The following SRP72 variants were observed in gnomAD, a reference collection of about 807,000 sequenced individuals.
The protein encoded by SRP72 is signal recognition particle 72.
SRP72 carries 49 observed loss-of-function variants against 96.3 expected under a neutral mutation model. That is an observed-to-expected ratio of 0.51 (90% confidence interval 0.40 to 0.65). SRP72 has a LOEUF of 0.65. SRP72 is among the 30% of genes least tolerant of loss of function. SRP72 has a pLI of 0.00. For missense variants in SRP72, 736 were observed against 793.3 expected (o/e 0.93, Z 0.87); for synonymous variants, 267 against 275.2 (o/e 0.97, Z 0.30).
chr4:56,474,642 C>G (rs1720134737), intron 5 of SRP72: 1 of 529,898 alleles, frequency 1.9e-6, no homozygotes, highest in South Asian at 2.7e-5. Context: ...CTCCCGAGTT[C>G]AAGCAATTCT....
chr4:56,484,590 A>G (rs1720632862), intron 9 of SRP72, 146 bp from the exon 10 acceptor site: 1 of 1,004,978 alleles, frequency 1.0e-6, no homozygotes, highest in African/African-American at 1.6e-5. Context: ...GAGAATAGAT[A>G]CTGTAAACTG....
At chr4:56,497,342 C>G (rs532910821) in intron 17 of SRP72, among the ~76,000 whole-genome samples, 1 of 151,840 alleles carries the variant, frequency 6.6e-6, no homozygotes, top group Non-Finnish European at 1.5e-5. Context: ...GCCTCAGCCT[C>G]CCAAGTAGCT....
At chr4:56,472,505 G>A (rs2110112420) in intron 3 of SRP72, among the ~76,000 whole-genome samples, 1 of 151,838 alleles carries the variant, frequency 6.6e-6, no homozygotes, top group East Asian at 1.9e-4. Context: ...GCCAACTCGT[G>A]CAGCTAATTT....
chr4:56,498,896 C>G (rs188170187), intron 17 of SRP72, among the ~76,000 whole-genome samples: 221 of 152,252 alleles, frequency 1.5e-3, no homozygotes, highest in African/African-American at 4.0e-3. Context: ...TGACTTTCTT[C>G]ACAGAATTAG....
Position 56,501,546 on chromosome 4 carries a change from G to A in SRP72, c.1839-138G>A, listed in dbSNP as rs944170313. 7.2e-6 allele frequency: 5 copies of A among 699,232 alleles called. No homozygotes were observed. In the African/African-American group the frequency reaches 9.1e-5, roughly 13 times the overall value. 43.3% of individuals were successfully genotyped at this position (699,232 alleles called of 1,614,324 possible). A position where few individuals can be genotyped will look rare whatever the true frequency, so the allele number is the denominator to read the frequency against. ...TATTCAAAAGAAAAGTCGATAGGGA[G>A]TTGGGGAGCTTACCTTAAAAGAAGT... On this transcript the variant is annotated intron_variant, in intron 18 of 18. Transcript: ENST00000642900.
intron 5 of SRP72, chr4:56,476,315 A>G (rs1315975866): frequency 4.5e-6 from 1 of 221,384 alleles, no homozygotes; most frequent in Non-Finnish European, 8.7e-6. Flanking sequence ...TAAAAAACTA[A>G]ATAACTGAAA....
rs142904964 is a variant in SRP72, at chr4:56,483,192, A to T, written c.879A>T (p.Gly293=). Residue 293 remains glycine (G), a synonymous_variant, in exon 9 of 19, where the codon GGA becomes GGT. Transcript: ENST00000642900. ...AAGTGAAATTAACCAATGCGGAAGG[A>T]GTAGAGTTTAAGCTTTCCAAGAAAC... ...KKKVKLTNAE[G]VEFKLSKKQL... 1 of 1,612,080 alleles carries T rather than the reference A, an allele frequency of 6.2e-7. No individual in the cohort carries two copies. The highest frequency in any genetic ancestry group is 8.5e-7 in the Non-Finnish European group (1 of 1,179,766).
At chr4:56,473,277 A>G (rs4865105) in intron 3 of SRP72, among the ~76,000 whole-genome samples, 50,140 of 151,530 alleles carry the variant, frequency 0.33, 8,610 homozygotes, top group East Asian at 0.46. Context: ...GGCTAACATG[A>G]TGAAACCCCA....
intron 16 of SRP72, among the ~76,000 whole-genome samples, chr4:56,492,411 A>C (rs1232073794): frequency 6.6e-6 from 1 of 152,234 alleles, no homozygotes; most frequent in Non-Finnish European, 1.5e-5. Flanking sequence ...TCATCTTAAA[A>C]ATATAGTTAG....
intron 16 of SRP72, among the ~76,000 whole-genome samples, chr4:56,492,725 A>G (rs17086908): frequency 0.025 from 3,747 of 152,324 alleles, 143 homozygotes; most frequent in East Asian, 0.19. Context: ...ATTCCATTTC[A>G]TCTTACAATT....
rs1721316516 is a variant in SRP72 at position 56,502,868 on chromosome 4, A to G, written c.*1007A>G. ...ATTGATTACCTTTCTCAATGTAATG[A>G]AGTATTTTACAGTCAATTTGTGGTG... On this transcript the variant is annotated 3_prime_UTR_variant, in exon 19 of 19. Coordinates refer to ENST00000642900, the MANE Select transcript of SRP72 (RefSeq NM_006947.4). 6.6e-6 allele frequency: 1 copy of G among 152,134 alleles called. No individual in the cohort carries two copies. The highest frequency in any genetic ancestry group is 2.1e-4 in the South Asian group (1 of 4,832). The allele number at this position is 152,134 out of a possible 1,614,324, so 9.4% of individuals were successfully genotyped here. A position where few individuals can be genotyped will look rare whatever the true frequency, so the allele number is the denominator to read the frequency against.
intron 6 of SRP72, 180 bp downstream of exon 6, chr4:56,476,882 A>G (rs899280349): frequency 5.0e-6 from 3 of 596,212 alleles, no homozygotes; most frequent in African/African-American, 3.8e-5. Context: ...GTGAGAAATC[A>G]CAATACAAAA....
chr4:56,493,044 G>A (rs1487610427), intron 16 of SRP72, among the ~76,000 whole-genome samples: 1 of 152,000 alleles, frequency 6.6e-6, no homozygotes, highest in Non-Finnish European at 1.5e-5. Context: ...TTGTTTGTTT[G>A]TTTTCTTTTT....
chr4:56,490,976 T>C (rs1720886117), intron 15 of SRP72, among the ~76,000 whole-genome samples: 2 of 152,194 alleles, frequency 1.3e-5, no homozygotes, highest in African/African-American at 4.8e-5. Flanking sequence ...TATTTTCAGA[T>C]TCAACTACTT....
rs1720966673 is a variant in SRP72 at position 56,493,144 on chromosome 4, T to A, written c.1640+1576T>A. Among the ~76,000 whole-genome samples the A allele has an allele frequency of 1.3e-5, 2 of 151,968 alleles. 1 individual carries two copies. Among genetic ancestry groups the A allele is most frequent in the South Asian group, 4.2e-4 (2 of 4,814 alleles). On this transcript the variant is annotated intron_variant, in intron 16 of 18. Coordinates refer to ENST00000642900, the MANE Select transcript of SRP72 (RefSeq NM_006947.4). ...CCTCCGCCTCCTGGGTTCAAGCAAT[T>A]CTCCTGCCTCAGCCTCCTGAGTAGC...
Position 56,495,305 on chromosome 4 carries a change from T to C in SRP72, c.1641-52T>C, listed in dbSNP as rs372108478. ...CTCTTATAGAGCACTTACTTAATGC[T>C]CTATAAATATTTTATCACAAAGATG... On this transcript the variant is annotated intron_variant, in intron 16 of 18. Transcript: ENST00000642900. 6.1e-4 allele frequency: 787 copies of C among 1,299,130 alleles called. 17 individuals are homozygous for C. The South Asian group carries it at 0.01, about 17-fold the overall frequency. 80.5% of individuals were successfully genotyped at this position (1,299,130 alleles called of 1,614,324 possible). A position where few individuals can be genotyped will look rare whatever the true frequency, so the allele number is the denominator to read the frequency against.
chr4:56,487,863 G>A, intron 11 of SRP72, 86 bp from the exon 12 acceptor site: 1 of 987,682 alleles, frequency 1.0e-6, no homozygotes, highest in Non-Finnish European at 1.5e-6. Flanking sequence ...CTAAGGAAAA[G>A]TAGTGGGAGG....
intron 15 of SRP72, 145 bp downstream of exon 15, chr4:56,490,790 T>G (rs1329735701): frequency 1.5e-6 from 1 of 672,266 alleles, no homozygotes; most frequent in Non-Finnish European, 2.4e-6. Flanking sequence ...AAATGAGAAT[T>G]TATTGATCAG....
intron 5 of SRP72, 35 bp downstream of exon 5, chr4:56,474,426 C>A: frequency 6.4e-7 from 1 of 1,566,142 alleles, no homozygotes; most frequent in Non-Finnish European, 8.7e-7. Flanking sequence ...GTAAATATAA[C>A]GTGCATATAA....
Sources: gnomAD v4.1 joint callset for allele counts (sites outside exome capture counted in the v4.1 genomes callset) on GRCh38, gnomAD v4.1.1 for gene constraint, MANE v1.5 for transcripts, NCBI Gene and HGNC (gene_info 2026-07-23, HGNC 2026-07-21) for gene names.